The following MYSM1 variants were observed in gnomAD, a reference collection of about 807,000 sequenced individuals.
MYSM1 encodes the protein deubiquitinase MYSM1.
In MYSM1, 51 loss-of-function variants were observed where a neutral mutation model predicts 116.0. The ratio of observed to expected loss-of-function variants is 0.44; its 90% CI spans 0.35 to 0.56. MYSM1 has a LOEUF of 0.56. Ranked by LOEUF, MYSM1 falls within the 20% of genes least tolerant of loss-of-function variation. MYSM1 has a pLI of 0.00. For synonymous variants in MYSM1, 313 were observed against 315.2 expected (o/e 0.99, Z 0.07); for missense variants, 900 against 974.9 (o/e 0.92, Z 1.02).
intron 8 of MYSM1, among the ~76,000 whole-genome samples, chr1:58,680,109 G>T (rs894034345): frequency 6.6e-6 from 1 of 151,408 alleles, no homozygotes; most frequent in African/African-American, 2.4e-5. Flanking sequence ...TGATTTCAAG[G>T]TCCTTAAATT....
At chr1:58,675,616 T>C (rs763485341) in intron 9 of MYSM1, 36 bp from the exon 10 acceptor site, 1 of 1,544,080 alleles carries the variant, frequency 6.5e-7, no homozygotes, top group African/African-American at 1.4e-5. Context: ...CCATCTATTA[T>C]TTTGTGAAAC....
chr1:58,675,944 G>C (rs139035542), intron 9 of MYSM1, among the ~76,000 whole-genome samples: 3 of 152,074 alleles, frequency 2.0e-5, no homozygotes. Context: ...ACAGATTCCC[G>C]GGCAAACTAA....
chr1:58,686,999 A>G (rs143488976), intron 6 of MYSM1, among the ~76,000 whole-genome samples: 1 of 152,080 alleles, frequency 6.6e-6, no homozygotes, highest in Non-Finnish European at 1.5e-5. Flanking sequence ...AAAGGAGCAA[A>G]GAAAATATTC....
chr1:58,665,609 G>C lies in MYSM1; in HGVS notation c.2054C>G (p.Ala685Gly), dbSNP rs1223506960. The change falls in exon 17 of 20, where the codon GCA (alanine) becomes GGA (glycine). Residue 685 changes from alanine (A) to glycine (G), a missense_variant. By Grantham distance (60) the Ala-to-Gly change is moderately conservative. Coordinates refer to ENST00000472487, the MANE Select transcript of MYSM1 (RefSeq NM_001085487.3). ...ACTAACAATCATCCCAATGAACTTT[G>C]CACCTCCTCTGGAGAAGTAACTCTA... is the stretch of plus-strand genomic sequence containing the variant. ...KYQSYFSRGG[A>G]KFIGMIVSPY... The C allele has an allele frequency of 6.4e-7, 1 of 1,568,148 alleles. No individual in the cohort carries two copies. Among genetic ancestry groups the C allele is most frequent in the South Asian group, 1.1e-5 (1 of 88,224 alleles).
At chr1:58,684,075 T>C (rs1644788881) in intron 7 of MYSM1, among the ~76,000 whole-genome samples, 2 of 152,086 alleles carry the variant, frequency 1.3e-5, no homozygotes, top group East Asian at 3.9e-4. Flanking sequence ...ATGCTTCTGT[T>C]TGGTTGAAAG....
At chr1:58,689,566 T>C (rs1453161065) in intron 5 of MYSM1, 1 of 152,898 alleles carries the variant, frequency 6.5e-6, no homozygotes, top group Non-Finnish European at 1.5e-5. Context: ...AACTACAGCA[T>C]TGTATTTATT....
chr1:58,691,500 C>G (rs1644905919), intron 3 of MYSM1, among the ~76,000 whole-genome samples: 1 of 152,178 alleles, frequency 6.6e-6, no homozygotes. Flanking sequence ...GGCCACCAAC[C>G]ACATGTGCAT....
At chr1:58,672,288 A>T (rs896665128) in intron 11 of MYSM1, among the ~76,000 whole-genome samples, 3 of 152,010 alleles carry the variant, frequency 2.0e-5, no homozygotes, top group African/African-American at 7.2e-5. Context: ...TACTGTGTTG[A>T]GTTTTCTTTC....
intron 12 of MYSM1, among the ~76,000 whole-genome samples, chr1:58,669,757 G>T (rs967946382): frequency 3.3e-5 from 5 of 149,696 alleles, no homozygotes; most frequent in Non-Finnish European, 7.4e-5. Context: ...AAGCCCAGGA[G>T]GTGGAGGCTG....
rs1362194388 is a variant in MYSM1 at position 58,677,068 on chromosome 1, A to G, written c.1260-12T>C. ...GTTTGCATATCTCCCTAATTAAGAG[A>G]CAGAAGTACAATTATTTTGGATAAA... On this transcript the variant is annotated splice_polypyrimidine_tract_variant and intron_variant, in intron 8 of 19. Coordinates refer to ENST00000472487, the MANE Select transcript of MYSM1 (RefSeq NM_001085487.3). The G allele has an allele frequency of 6.3e-7, 1 of 1,580,056 alleles. No individual in the cohort carries two copies. The highest frequency in any genetic ancestry group is 8.6e-7 in the Non-Finnish European group (1 of 1,165,974).
intron 17 of MYSM1, among the ~76,000 whole-genome samples, chr1:58,662,083 G>A (rs1644400979): frequency 6.6e-6 from 1 of 151,812 alleles, no homozygotes; most frequent in Non-Finnish European, 1.5e-5. Context: ...CCTCACTTCT[G>A]AGCCCAAACT....
At chr1:58,668,492 G>T (rs1439766722) in intron 14 of MYSM1, 140 bp downstream of exon 14, 1 of 1,363,934 alleles carries the variant, frequency 7.3e-7, no homozygotes, top group Non-Finnish European at 9.4e-7. Flanking sequence ...CAAAAGAAAA[G>T]ACTTATTTTT....
chr1:58,665,815 C>G (rs1484284397), intron 16 of MYSM1, among the ~76,000 whole-genome samples, 184 bp from the exon 17 acceptor site: 1 of 152,158 alleles, frequency 6.6e-6, no homozygotes, highest in Non-Finnish European at 1.5e-5. Context: ...GAGACTGAGG[C>G]AGGCGGACTG....
intron 19 of MYSM1, among the ~76,000 whole-genome samples, chr1:58,660,428 G>A (rs755926403): frequency 3.1e-4 from 47 of 152,030 alleles, no homozygotes; most frequent in Admixed American, 7.9e-4. Flanking sequence ...TACTTCGGAC[G>A]TATTTGCGAC....
chr1:58,696,873 T>A (rs1227195715), intron 1 of MYSM1, among the ~76,000 whole-genome samples: 1 of 152,154 alleles, frequency 6.6e-6, no homozygotes, highest in Non-Finnish European at 1.5e-5. Flanking sequence ...ATCACTCAGA[T>A]CTCTGGTAGT....
intron 12 of MYSM1, 147 bp from the exon 13 acceptor site, chr1:58,669,185 G>C (rs528360899): frequency 1.5e-4 from 87 of 571,334 alleles, no homozygotes; most frequent in Non-Finnish European, 2.2e-4. Context: ...AAACCCTTTC[G>C]AAAGAAGCAC....
Position 58,682,385 on chromosome 1 carries a change from T to A in MYSM1, c.659A>T (p.Asp220Val), listed in dbSNP as rs1354535990. The change falls in exon 8 of 20, where the codon GAT becomes GTT. Residue 220 changes from aspartate to valine, a missense_variant. Physicochemically the swap from Asp to Val is radical, Grantham distance 152. Coordinates refer to ENST00000472487, the MANE Select transcript of MYSM1 (RefSeq NM_001085487.3). ...NAVKIEKLSDDEEVDITDEVD... is the reference protein window; with the variant it reads ...NAVKIEKLSDVEEVDITDEVD... ...CTCATCTGTGATGTCTACTTCTTCA[T>A]CATCAGATAACTTTTCAATTTTTAC... 6.2e-7 allele frequency: 1 copy of A among 1,614,180 alleles called. No homozygotes were observed. Among genetic ancestry groups the A allele is most frequent in the Non-Finnish European group, 8.5e-7 (1 of 1,180,030 alleles).
Position 58,679,682 on chromosome 1 carries a change from C to A in MYSM1, c.1259+2103G>T, listed in dbSNP as rs373527289. ...CTATGTTGCCCAAACTAGTCTCGAACTCCTGGCCTCAAGTAATCCTCTTGT... is the reference window on the plus strand; with the variant it reads ...CTATGTTGCCCAAACTAGTCTCGAAATCCTGGCCTCAAGTAATCCTCTTGT... On this transcript the variant is annotated intron_variant, in intron 8 of 19. Transcript: ENST00000472487. Among the ~76,000 whole-genome samples, 270 of 152,300 alleles carry A rather than the reference C, an allele frequency of 1.8e-3. 2 individuals are homozygous for A. The highest frequency in any genetic ancestry group is 6.1e-3 in the African/African-American group (255 of 41,568).
chr1:58,694,801 T>C (rs1569808548), intron 2 of MYSM1, among the ~76,000 whole-genome samples: 1 of 152,102 alleles, frequency 6.6e-6, no homozygotes, highest in Non-Finnish European at 1.5e-5. Flanking sequence ...CTCAAAGCAC[T>C]GGGATTATAG....
Sources: gnomAD v4.1 joint callset for allele counts (sites outside exome capture counted in the v4.1 genomes callset) on GRCh38, gnomAD v4.1.1 for gene constraint, MANE v1.5 for transcripts, NCBI Gene and HGNC (gene_info 2026-07-23, HGNC 2026-07-21) for gene names.